The following SLC25A6 variants were observed in gnomAD, a reference collection of about 807,000 sequenced individuals.
SLC25A6 encodes the protein ADP/ATP translocase 3.
Under a neutral mutation model 25.7 loss-of-function variants are expected in SLC25A6, and 9 were observed. The ratio of observed to expected loss-of-function variants is 0.35; its 90% CI spans 0.21 to 0.61. The LOEUF (loss-of-function observed/expected upper bound fraction) is 0.61. Ranked by LOEUF, SLC25A6 falls within the 20% of genes least tolerant of loss-of-function variation. The pLI is 0.76. For missense variants in SLC25A6, 404 were observed against 440.5 expected (o/e 0.92, Z 0.74); for synonymous variants, 223 against 197.0 (o/e 1.13, Z -1.11).
intron 3 of SLC25A6, 87 bp from the exon 4 acceptor site, chrX:1,386,846 A>C: frequency 6.9e-7 from 1 of 1,458,506 alleles, no homozygotes; most frequent in African/African-American, 1.4e-5. Flanking sequence ...CGTTTCACAG[A>C]AATAACACCC....
chrX:1,392,047 A>C lies in SLC25A6; in HGVS notation c.-38T>G. ...GGCAGCGGAACGGGAGGACAGCCGG[A>C]GAACGGGCGCGGAGAGTGAATGGAG... is the stretch of plus-strand genomic sequence containing the variant. On this transcript the variant is annotated 5_prime_UTR_variant, in exon 1 of 4. Transcript: ENST00000381401. The C allele has an allele frequency of 1.3e-6, 2 of 1,506,134 alleles. No individual in the cohort carries two copies. Among genetic ancestry groups the C allele is most frequent in the Non-Finnish European group, 1.8e-6 (2 of 1,097,044 alleles). 93.3% of individuals were successfully genotyped at this position (1,506,134 alleles called of 1,614,324 possible).
intron 1 of SLC25A6, among the ~76,000 whole-genome samples, chrX:1,391,468 C>T (rs2089409685): frequency 6.6e-6 from 1 of 152,236 alleles, no homozygotes; most frequent in African/African-American, 2.4e-5. Flanking sequence ...TTCCAGGACA[C>T]CTGCGGGCAG....
intron 3 of SLC25A6, 51 bp from the exon 4 acceptor site, chrX:1,386,810 A>C: frequency 6.3e-7 from 1 of 1,575,934 alleles, no homozygotes; most frequent in Non-Finnish European, 8.6e-7. Flanking sequence ...TCTTCAAGAC[A>C]CGGACGCCAC....
rs1476652244 is a variant in SLC25A6, at chrX:1,389,660, C to T, written c.179G>A (p.Arg60His). The T allele has an allele frequency of 5.0e-6, 8 of 1,613,836 alleles. No homozygotes were observed. The highest frequency in any genetic ancestry group is 2.2e-5 in the East Asian group (1 of 44,876). The change falls in exon 2 of 4, where the codon CGC becomes CAC. Residue 60 changes from arginine to histidine, a missense_variant. Arg to His is a conservative substitution (Grantham distance 29). Transcript: ENST00000381401. ...QYKGIVDCIV[R>H]IPKEQGVLSF... ...CAGCACGCCCTGCTCCTTGGGGATG[C>T]GGACAATGCAGTCCACGATGCCCTT...
intron 2 of SLC25A6, among the ~76,000 whole-genome samples, 200 bp downstream of exon 2, chrX:1,389,041 G>A (rs1225014405): frequency 7.9e-5 from 11 of 140,070 alleles, no homozygotes; most frequent in East Asian, 2.2e-4. Context: ...TAAGAAGAGA[G>A]GATGAGGACA....
Position 1,389,620 on chromosome X carries a change from G to A in SLC25A6, c.219C>T (p.Gly73=), listed in dbSNP as rs751187962. The A allele has an allele frequency of 1.9e-6, 3 of 1,614,160 alleles. No homozygotes were observed. The highest frequency in any genetic ancestry group is 1.7e-5 in the Admixed American group (1 of 60,012). The change falls in exon 2 of 4, where the codon GGC becomes GGT. Residue 73 remains glycine, a synonymous_variant. Coordinates refer to ENST00000381401, the MANE Select transcript of SLC25A6 (RefSeq NM_001636.4). ...AGTAGCGAATGACGTTGGCAAGGTT[G>A]CCCCTCCAGAAGGACAGCACGCCCT... is the stretch of plus-strand genomic sequence containing the variant. ...KEQGVLSFWR[G]NLANVIRYFP...
chrX:1,387,228 G>C, intron 3 of SLC25A6, 51 bp downstream of exon 3: 1 of 1,600,416 alleles, frequency 6.2e-7, no homozygotes, highest in African/African-American at 1.3e-5. Flanking sequence ...CCTAGGGCAA[G>C]GAGCTTGGTT....
Position 1,392,027 on chromosome X carries a change from C to G in SLC25A6, c.-18G>C, listed in dbSNP as rs762723366. On this transcript the variant is annotated 5_prime_UTR_variant, in exon 1 of 4. Transcript: ENST00000381401. ...TCCGTCATGGTGGCAGGGCGGGCAG[C>G]GGAACGGGAGGACAGCCGGAGAACG... The G allele has an allele frequency of 1.1e-5, 17 of 1,580,868 alleles. No homozygotes were observed. Among genetic ancestry groups the G allele is most frequent in the Non-Finnish European group, 1.5e-5 (17 of 1,158,536 alleles).
chrX:1,390,954 G>A (rs1603449704), intron 1 of SLC25A6, among the ~76,000 whole-genome samples: 1 of 151,724 alleles, frequency 6.6e-6, no homozygotes, highest in Non-Finnish European at 1.5e-5. Flanking sequence ...TAGAGATGGG[G>A]TCTTGCTATG....
At position 1,392,093 on chromosome X, in the gene SLC25A6, G is replaced by A. The variant is rs1357550983; in HGVS notation, c.-84C>T. 59 of 1,006,918 alleles carry A rather than the reference G, an allele frequency of 5.9e-5. No homozygotes were observed. Among genetic ancestry groups the A allele is most frequent in the Non-Finnish European group, 7.7e-5 (51 of 665,292 alleles). The allele number at this position is 1,006,918 out of a possible 1,614,324, so 62.4% of individuals were successfully genotyped here. ...TGGAGGGCGTCGCTGGCTCAGCCCT[G>A]CCGCCGCCTGGACCGAAAGGACGGA... On this transcript the variant is annotated 5_prime_UTR_variant, in exon 1 of 4. Coordinates refer to ENST00000381401, the MANE Select transcript of SLC25A6 (RefSeq NM_001636.4).
intron 2 of SLC25A6, 125 bp from the exon 3 acceptor site, chrX:1,387,544 C>A: frequency 7.3e-7 from 1 of 1,370,956 alleles, no homozygotes; most frequent in East Asian, 2.4e-5. Flanking sequence ...CACCAGTGCC[C>A]CCTCCACGTG....
chrX:1,391,830 G>C, intron 1 of SLC25A6, 69 bp downstream of exon 1: 1 of 1,266,166 alleles, frequency 7.9e-7, no homozygotes, highest in Non-Finnish European at 1.1e-6. Flanking sequence ...TGCTGCCCAC[G>C]TCCCCGCCCG....
chrX:1,389,553 T>A lies in SLC25A6; in HGVS notation c.286A>T (p.Lys96Ter). ...TCCACGCCCCCCAGGAAGATCTGCT[T>A]GTACTTATCCTTGAAGGCGAAGTTG... ...ALNFAFKDKY[K>*]QIFLGGVDKH... The change falls in exon 2 of 4, where the codon AAG (lysine) becomes TAG (stop). Residue 96 changes from lysine to a stop codon, truncating the protein, a stop_gained. Coordinates refer to ENST00000381401, the MANE Select transcript of SLC25A6 (RefSeq NM_001636.4). LOFTEE classifies it high-confidence loss of function. The A allele has an allele frequency of 6.2e-7, 1 of 1,614,198 alleles. No homozygotes were observed. Among genetic ancestry groups the A allele is most frequent in the Non-Finnish European group, 8.5e-7 (1 of 1,180,034 alleles).
At chrX:1,388,409 C>T (rs758807978) in intron 2 of SLC25A6, among the ~76,000 whole-genome samples, 84 of 150,620 alleles carry the variant, frequency 5.6e-4, no homozygotes, top group African/African-American at 1.9e-3. Context: ...ACAGGGAAGA[C>T]GGAGTCTCCA....
chrX:1,389,226 G>A lies in SLC25A6; in HGVS notation c.598+15C>T, dbSNP rs765932468. ...GAGCCCGTCTCTGGGACTTCGCGAT[G>A]GCAGCCACACGTACCCTTGGCCGTA... On this transcript the variant is annotated intron_variant, in intron 2 of 3. Coordinates refer to ENST00000381401, the MANE Select transcript of SLC25A6 (RefSeq NM_001636.4). 64 of 1,605,338 alleles carry A rather than the reference G, an allele frequency of 4.0e-5. No homozygotes were observed. The highest frequency in any genetic ancestry group is 8.4e-5 in the Admixed American group (5 of 59,814).
At chrX:1,389,020 A>G (rs2089365116) in intron 2 of SLC25A6, among the ~76,000 whole-genome samples, 2 of 151,538 alleles carry the variant, frequency 1.3e-5, no homozygotes, top group African/African-American at 2.4e-5. Context: ...GAAATGGATT[A>G]AGACATCCCA....
rs749436582 is a variant in SLC25A6, at chrX:1,389,216, AC to A, written c.598+24del. The A allele has an allele frequency of 1.1e-5, 17 of 1,602,848 alleles. No homozygotes were observed. In the Admixed American group the frequency reaches 2.8e-4, roughly 27 times the overall value. The stretch of plus-strand genomic sequence containing the variant: ...TCTGTGTGTTGAGCCCGTCTCTGGG[AC>A]TTCGCGATGGCAGCCACACGTACCC... On this transcript the variant is annotated intron_variant, in intron 2 of 3. Coordinates refer to ENST00000381401, the MANE Select transcript of SLC25A6 (RefSeq NM_001636.4).
intron 2 of SLC25A6, 65 bp from the exon 3 acceptor site, chrX:1,387,484 C>T: frequency 6.3e-7 from 1 of 1,593,208 alleles, no homozygotes; most frequent in Non-Finnish European, 8.5e-7. Flanking sequence ...AGGGTCGGCC[C>T]CCAGGGTGTG....
At chrX:1,389,108 A>C in intron 2 of SLC25A6, 133 bp downstream of exon 2, 1 of 926,398 alleles carries the variant, frequency 1.1e-6, no homozygotes, top group African/African-American at 1.7e-5. Flanking sequence ...GGCGTCTCCA[A>C]GTCCAGGAGA....
Sources: allele counts gnomAD v4.1 joint callset (sites outside exome capture counted in the v4.1 genomes callset), GRCh38; gene constraint gnomAD v4.1.1; transcripts MANE v1.5; gene names NCBI Gene and HGNC (gene_info 2026-07-23, HGNC 2026-07-21).